Variants in CLVS1 observed in about 807,000 individuals in gnomAD.
The protein encoded by CLVS1 is clavesin 1, also known as clavesin-1.
In CLVS1, 10 loss-of-function variants were observed where a neutral mutation model predicts 33.1. That is an observed-to-expected ratio of 0.30 (90% CI 0.19 to 0.51). The LOEUF is 0.51. Ranked by LOEUF, CLVS1 falls within the 20% of genes least tolerant of loss-of-function variation. The pLI is 0.97. For missense variants in CLVS1, 343 were observed against 433.4 expected (o/e 0.79, Z 1.85); for synonymous variants, 163 against 166.1 (o/e 0.98, Z 0.14).
the CLVS1 span, among the ~76,000 whole-genome samples, chr8:61,002,327 GTTT>G: frequency 3.5e-4 from 35 of 98,784 alleles, no homozygotes; most frequent in African/African-American, 6.9e-4. Flanking sequence ...ATGCTTGCTT[GTTT>G]TTTTTTTTTT....
At chr8:61,004,296 A>G in the CLVS1 span, among the ~76,000 whole-genome samples, 1 of 152,210 alleles carries the variant, frequency 6.6e-6, no homozygotes, top group East Asian at 1.9e-4. Context: ...CCCCAGGACC[A>G]CTTCAATCTG....
At chr8:61,290,432 A>C (rs1266341299) in intron 1 of CLVS1, among the ~76,000 whole-genome samples, 1 of 152,210 alleles carries the variant, frequency 6.6e-6, no homozygotes, top group Non-Finnish European at 1.5e-5. Context: ...TGAAGAGAAA[A>C]TGTTTTCCAG....
intron 2 of CLVS1, among the ~76,000 whole-genome samples, chr8:61,266,469 C>A (rs546792592): frequency 1.3e-4 from 20 of 152,212 alleles, no homozygotes; most frequent in Admixed American, 1.2e-3. Flanking sequence ...CAGACAGCCC[C>A]AGAGACTAGG....
intron 2 of CLVS1, among the ~76,000 whole-genome samples, chr8:61,241,628 C>A (rs570758544): frequency 6.6e-6 from 1 of 152,248 alleles, no homozygotes; most frequent in South Asian, 2.1e-4. Flanking sequence ...GTATAATTTT[C>A]ATTTGTACTA....
chr8:61,071,630 A>G (rs921908526), intron 1 of CLVS1, among the ~76,000 whole-genome samples: 1 of 152,210 alleles, frequency 6.6e-6, no homozygotes. Flanking sequence ...AGATGAGCAT[A>G]TGGATACCTT....
chr8:61,223,272 T>C (rs1016962253), intron 2 of CLVS1, among the ~76,000 whole-genome samples: 5 of 152,230 alleles, frequency 3.3e-5, no homozygotes, highest in Non-Finnish European at 1.5e-5. Context: ...CTTCATAGTG[T>C]CATTGGTCTT....
intron 2 of CLVS1, among the ~76,000 whole-genome samples, chr8:61,167,675 A>G (rs575065883): frequency 6.6e-6 from 1 of 152,320 alleles, no homozygotes; most frequent in South Asian, 2.1e-4. Context: ...TGGTTAAGGT[A>G]TTCTAAGTCA....
chr8:61,390,847 A>G (rs950639057), intron 3 of CLVS1, among the ~76,000 whole-genome samples: 1 of 152,118 alleles, frequency 6.6e-6, no homozygotes, highest in African/African-American at 2.4e-5. Flanking sequence ...ACAAGTGTTT[A>G]TTTTTGCTGT....
At chr8:61,036,502 A>G in the CLVS1 span, among the ~76,000 whole-genome samples, 1,141 of 152,304 alleles carry the variant, frequency 7.5e-3, 33 homozygotes, top group East Asian at 0.058. Flanking sequence ...GTGTGCATTA[A>G]AGGGGGCCAA....
At chr8:61,024,491 T>C in the CLVS1 span, among the ~76,000 whole-genome samples, 1 of 152,212 alleles carries the variant, frequency 6.6e-6, no homozygotes. Context: ...AGTAATATCA[T>C]AATCCGAGCA....
At chr8:61,285,807 T>C (rs16927139), upstream of CLVS1, among the ~76,000 whole-genome samples, 8,108 of 152,126 alleles carry the variant, frequency 0.053, 620 homozygotes, top group East Asian at 0.39. Context: ...ATGAAGGAGA[T>C]GTCAGGATGA....
chr8:61,095,314 T>C (rs1000759496), intron 1 of CLVS1, among the ~76,000 whole-genome samples: 6 of 152,106 alleles, frequency 3.9e-5, no homozygotes, highest in Non-Finnish European at 8.8e-5. Flanking sequence ...AAACAAACAA[T>C]AAGGTTTGGA....
intron 2 of CLVS1, among the ~76,000 whole-genome samples, chr8:61,304,242 A>G (rs1810535146): frequency 6.6e-6 from 1 of 152,232 alleles, no homozygotes; most frequent in African/African-American, 2.4e-5. Context: ...ATCTGGACCC[A>G]GACACATGGA....
At chr8:60,985,319 G>C in the CLVS1 span, among the ~76,000 whole-genome samples, 1 of 152,234 alleles carries the variant, frequency 6.6e-6, no homozygotes, top group Non-Finnish European at 1.5e-5. Flanking sequence ...AGACCCTGCT[G>C]TCGGGATAAC....
the CLVS1 span, among the ~76,000 whole-genome samples, chr8:61,008,464 C>CA: frequency 7.4e-6 from 1 of 135,042 alleles, no homozygotes; most frequent in Non-Finnish European, 1.6e-5. Flanking sequence ...TGGGGATTTA[C>CA]TTTTTTTTTT....
In CLVS1 at chr8:61,488,935, A is replaced by G. The variant is rs920126923; in HGVS notation, c.978-10520A>G. Among the ~76,000 whole-genome samples the G allele has an allele frequency of 1.1e-4, 16 of 152,144 alleles. No individual in the cohort carries two copies. In the East Asian group the frequency reaches 2.9e-3, roughly 27 times the overall value. ...CTGAACTGTGTTCTCAGTTAAGTCT[A>G]ATCCACTCCCTTTCTCTACTCTCAT... On this transcript the variant is annotated intron_variant, in intron 5 of 5. Transcript: ENST00000325897.
At chr8:61,323,134 A>G (rs573507251) in intron 2 of CLVS1, among the ~76,000 whole-genome samples, 1 of 152,202 alleles carries the variant, frequency 6.6e-6, no homozygotes, top group African/African-American at 2.4e-5. Context: ...CTGGAAGCCC[A>G]CTCATGTGAT....
chr8:61,471,834 A>G (rs1817747477), intron 5 of CLVS1, among the ~76,000 whole-genome samples: 1 of 152,110 alleles, frequency 6.6e-6, no homozygotes, highest in Admixed American at 6.5e-5. Context: ...TCAAATCTAA[A>G]CTGTTATCCC....
At chr8:61,207,133 A>G (rs1275824329) in intron 2 of CLVS1, among the ~76,000 whole-genome samples, 1 of 152,212 alleles carries the variant, frequency 6.6e-6, no homozygotes, top group Non-Finnish European at 1.5e-5. Flanking sequence ...ATATTAATAT[A>G]AACAAACCAC....
Sources: allele counts gnomAD v4.1 joint callset (sites outside exome capture counted in the v4.1 genomes callset), GRCh38; gene constraint gnomAD v4.1.1; transcripts MANE v1.5; gene names NCBI Gene and HGNC (gene_info 2026-07-23, HGNC 2026-07-21).